Variants in GBP4 observed in about 807,000 individuals in gnomAD.
GBP4 encodes the protein guanylate binding protein 4.
GBP4 carries 69 observed loss-of-function variants against 62.2 expected under a neutral mutation model. That is an observed-to-expected ratio of 1.11 (90% CI 0.91 to 1.36). The LOEUF (loss-of-function observed/expected upper bound fraction) is 1.36, where lower values mean the gene tolerates loss of function less well. Among genes scored for constraint, GBP4 ranks in the 40% most tolerant of loss-of-function variants. GBP4 has a pLI of 0.00. For synonymous variants in GBP4, 278 were observed against 274.6 expected, an observed-to-expected ratio of 1.01 and a Z score of -0.12; for missense variants, 697 against 759.3, an observed-to-expected ratio of 0.92 and a Z score of 0.96.
chr1:89,186,287 G>C (rs1400042565), intron 10 of GBP4, 46 bp downstream of exon 10: 1 of 1,505,130 alleles, frequency 6.6e-7, no homozygotes, highest in Non-Finnish European at 9.1e-7. Context: ...TCCTAAAGAA[G>C]CAGGGCATTG....
At chr1:89,191,191 T>C in intron 6 of GBP4, 70 bp downstream of exon 6, 2 of 1,539,948 alleles carry the variant, frequency 1.3e-6, no homozygotes, top group Non-Finnish European at 1.8e-6. Context: ...ATTGAAAAAC[T>C]TGCAGTCATT....
chr1:89,198,546 C>G (rs1174538640), intron 1 of GBP4, among the ~76,000 whole-genome samples: 1 of 151,990 alleles, frequency 6.6e-6, no homozygotes, highest in African/African-American at 2.4e-5. Flanking sequence ...GGAGGAGCAG[C>G]GCATCCTGGA....
At chr1:89,197,360 G>T (rs577156611) in intron 1 of GBP4, 56 bp from the exon 2 acceptor site, 1 of 1,491,794 alleles carries the variant, frequency 6.7e-7, no homozygotes, top group East Asian at 2.3e-5. Context: ...TCATCCCTAA[G>T]GGCTACCTAA....
At chr1:89,186,879 T>A in intron 9 of GBP4, 121 bp downstream of exon 9, 1 of 852,624 alleles carries the variant, frequency 1.2e-6, no homozygotes, top group Non-Finnish European at 1.9e-6. Flanking sequence ...TTATTAATAT[T>A]TTAACTCAAT....
intron 1 of GBP4, among the ~76,000 whole-genome samples, chr1:89,198,379 T>C (rs975701242): frequency 1.3e-5 from 2 of 152,016 alleles, no homozygotes; most frequent in African/African-American, 4.8e-5. Flanking sequence ...CTCTTTCAGC[T>C]AAGGGAGAGT....
rs558982077 is a variant in GBP4 at position 89,190,197 on chromosome 1, G to T, written c.1038C>A (p.Ala346=). The T allele has an allele frequency of 8.7e-6, 14 of 1,614,098 alleles. No homozygotes were observed. Among genetic ancestry groups the T allele is most frequent in the Admixed American group, 3.3e-5 (2 of 60,012 alleles). The change falls in exon 7 of 11, where the codon GCC becomes GCA. Residue 346 remains alanine, a synonymous_variant. Transcript: ENST00000355754. ...GGGCCATCTGCTGGCTATAGTGGTC[G>T]GCTGCCCTCTGCACAGCCGCTGGGT... ...LENPAAVQRA[A]DHYSQQMAQQ... is the part of the protein sequence containing the mutation.
intron 2 of GBP4, among the ~76,000 whole-genome samples, chr1:89,196,785 C>A (rs543437933): frequency 1.3e-5 from 2 of 151,830 alleles, no homozygotes; most frequent in South Asian, 4.1e-4. Context: ...TATTTGTGTG[C>A]TATTTGAAGT....
chr1:89,191,459 T>A lies in GBP4; in HGVS notation c.718A>T (p.Arg240Trp), dbSNP rs771155723. The change falls in exon 6 of 11, where the codon AGG becomes TGG. Residue 240 changes from arginine to tryptophan, a missense_variant. Arg to Trp is a moderately radical substitution (Grantham distance 101). Coordinates refer to ENST00000355754, the MANE Select transcript of GBP4 (RefSeq NM_052941.5). ...CACTTCCGTTTTCGGAAGAAATGCC[T>A]GATACACTCTCTAGGCATGTTTGAA... ...QNSNMPRECI[R>W]HFFRKRKCFV... is the part of the protein sequence containing the mutation. The A allele has an allele frequency of 6.2e-7, 1 of 1,614,156 alleles. No individual in the cohort carries two copies.
rs1647874573 is a variant in GBP4, at chr1:89,181,365, C to G, written c.*3889G>C. 1 of 152,046 alleles carries G rather than the reference C, an allele frequency of 6.6e-6. No homozygotes were observed. Among genetic ancestry groups the G allele is most frequent in the African/African-American group, 2.4e-5 (1 of 41,414 alleles). The allele number at this position is 152,046 out of a possible 1,614,324, so 9.4% of individuals were successfully genotyped here. ...CAGGATGAGCCAGGAGAAGGAATTTCACAAGGTAATGTCATCAGTTAAGGC... is the reference window on the plus strand; with the variant it reads ...CAGGATGAGCCAGGAGAAGGAATTTGACAAGGTAATGTCATCAGTTAAGGC... On this transcript the variant is annotated 3_prime_UTR_variant, in exon 11 of 11. Transcript: ENST00000355754.
intron 8 of GBP4, among the ~76,000 whole-genome samples, chr1:89,187,485 T>G (rs1353219719): frequency 6.6e-6 from 1 of 152,052 alleles, no homozygotes; most frequent in Non-Finnish European, 1.5e-5. Context: ...TGGGACTACA[T>G]CAAACTAAAA....
Position 89,191,400 on chromosome 1 carries a change from T to A in GBP4, c.777A>T (p.Gln259His). Reference protein sequence around the residue: ...FVFDRPTNDKQYLNHMDEVPE... With the variant: ...FVFDRPTNDKHYLNHMDEVPE... ...GCACTTCGTCCATATGATTTAAATA[T>A]TGCTTGTCATTTGTAGGCCGGTCAA... The change falls in exon 6 of 11, where the codon CAA (glutamine) becomes CAT (histidine). Residue 259 changes from glutamine to histidine, a missense_variant. Gln to His is a conservative substitution (Grantham distance 24). Transcript: ENST00000355754. The A allele has an allele frequency of 6.2e-7, 1 of 1,614,244 alleles. No homozygotes were observed.
chr1:89,193,706 TTTG>T (rs1210941121), intron 3 of GBP4, among the ~76,000 whole-genome samples: 1 of 152,186 alleles, frequency 6.6e-6, no homozygotes, highest in Non-Finnish European at 1.5e-5. Context: ...CCATTGCAAT[TTTG>T]TTCTCACTCA....
Position 89,184,322 on chromosome 1 carries a change from G to A in GBP4, c.*932C>T, listed in dbSNP as rs139043081. ...GAACTCAGAATTACCATTCAACTCA[G>A]CAATCCCATTATTCCCAAAGGAATG... On this transcript the variant is annotated 3_prime_UTR_variant, in exon 11 of 11. Coordinates refer to ENST00000355754, the MANE Select transcript of GBP4 (RefSeq NM_052941.5). 110 of 152,216 alleles carry A rather than the reference G, an allele frequency of 7.2e-4. No individual in the cohort carries two copies. Among genetic ancestry groups the A allele is most frequent in the African/African-American group, 2.6e-3 (107 of 41,522 alleles). The allele number at this position is 152,216 out of a possible 1,614,324, so 9.4% of individuals were successfully genotyped here.
intron 6 of GBP4, 124 bp downstream of exon 6, chr1:89,191,137 G>T: frequency 8.7e-7 from 1 of 1,152,712 alleles, no homozygotes; most frequent in Non-Finnish European, 1.2e-6. Context: ...TGTGTGCAAT[G>T]AACATCTCCT....
chr1:89,189,983 C>T, intron 7 of GBP4, 55 bp downstream of exon 7: 1 of 1,532,122 alleles, frequency 6.5e-7, no homozygotes, highest in Non-Finnish European at 8.9e-7. Context: ...AAAAGCTACA[C>T]TTTATGCATC....
At chr1:89,186,649 T>C in intron 9 of GBP4, 123 bp from the exon 10 acceptor site, 2 of 853,852 alleles carry the variant, frequency 2.3e-6, no homozygotes, top group Admixed American at 5.7e-5. Context: ...AATCTCTGAA[T>C]TATCTCACTA....
chr1:89,188,683 A>G lies in GBP4; in HGVS notation c.1309T>C (p.Leu437=). Residue 437 remains leucine, a synonymous_variant, in exon 8 of 11, where the codon TTG becomes CTG. Transcript: ENST00000355754. ...RLSEHLTESI[L]RGIFSVPGGH... is the part of the protein sequence containing the mutation. ...CCAGGAACAGAGAAAATTCCTCTCA[A>G]AATGCTTTCTGTCAGGTGCTCTGAA... is the stretch of plus-strand genomic sequence containing the variant. 6.2e-7 allele frequency: 1 copy of G among 1,614,210 alleles called. No homozygotes were observed. The highest frequency in any genetic ancestry group is 8.5e-7 in the Non-Finnish European group (1 of 1,180,032).
rs1486250304 is a variant in GBP4 at position 89,188,581 on chromosome 1, C to A, written c.1410+1G>T. Reference sequence around the variant, plus strand: ...CCATCCCCCATTCCCCTTTTCCTCACCTTAACTCCTTTTCTGGGCACTAGC... The same window carrying A: ...CCATCCCCCATTCCCCTTTTCCTCAACTTAACTCCTTTTCTGGGCACTAGC... On this transcript the variant is annotated splice_donor_variant, in intron 8 of 10. Transcript: ENST00000355754. LOFTEE classifies it high-confidence loss of function. 9 of 1,612,760 alleles carry A rather than the reference C, an allele frequency of 5.6e-6. No individual in the cohort carries two copies. Among genetic ancestry groups the A allele is most frequent in the Admixed American group, 5.0e-5 (3 of 60,002 alleles).
At position 89,198,871 on chromosome 1, in the gene GBP4, G is replaced by A; in HGVS notation, c.-37C>T. 6.2e-7 allele frequency: 1 copy of A among 1,605,580 alleles called. No homozygotes were observed. The highest frequency in any genetic ancestry group is 8.5e-7 in the Non-Finnish European group (1 of 1,172,188). ...CCTGCGCCTGGATCCTCGAGAAACG[G>A]ACTGTTCTTAGAAGCTGAAAGTCCA... On this transcript the variant is annotated 5_prime_UTR_variant, in exon 1 of 11. Coordinates refer to ENST00000355754, the MANE Select transcript of GBP4 (RefSeq NM_052941.5).
Sources: allele counts gnomAD v4.1 joint callset (sites outside exome capture counted in the v4.1 genomes callset), GRCh38; gene constraint gnomAD v4.1.1; transcripts MANE v1.5; gene names NCBI Gene and HGNC (gene_info 2026-07-23, HGNC 2026-07-21).